The following CHL1 variants were observed in gnomAD, a reference collection of about 807,000 sequenced individuals.
The protein encoded by CHL1 is cell adhesion molecule L1 like, also known as neural cell adhesion molecule L1-like protein.
In CHL1, 96 loss-of-function variants were observed where a neutral mutation model predicts 141.9. The observed-to-expected ratio is 0.68, with a 90% CI of 0.57 to 0.80. The LOEUF is 0.80. Among genes scored for constraint, CHL1 ranks in the 30% least tolerant of loss-of-function variants. CHL1 has a pLI of 0.00. For synonymous variants in CHL1, 613 were observed against 502.2 expected, an observed-to-expected ratio of 1.22 and a Z score of -2.95; for missense variants, 1,820 against 1,457.2, an observed-to-expected ratio of 1.25 and a Z score of -4.05.
chr3:321,838 G>C (rs980958999), intron 3 of CHL1, among the ~76,000 whole-genome samples: 3 of 152,058 alleles, frequency 2.0e-5, no homozygotes, highest in Admixed American at 6.6e-5. Flanking sequence ...TATCCAATTT[G>C]AATGTCAAGG....
Position 344,631 on chromosome 3 carries a change from C to A in CHL1, c.770C>A (p.Pro257His), listed in dbSNP as rs921107298. The A allele has an allele frequency of 1.2e-6, 2 of 1,612,170 alleles. No homozygotes were observed. The highest frequency in any genetic ancestry group is 2.7e-5 in the African/African-American group (2 of 74,800). The change falls in exon 9 of 28, where the codon CCC becomes CAC. Residue 257 changes from proline (P) to histidine (H), a missense_variant. Pro to His is a moderately conservative substitution (Grantham distance 77, BLOSUM62 -2). Coordinates refer to ENST00000256509, the MANE Select transcript of CHL1 (RefSeq NM_006614.4). Reference sequence around the variant, plus strand: ...AGAAAACCCAAACTGCTGTTGCCTCCCACTGAGAGTGGCAGTGAGTCTTCA... The same window carrying A: ...AGAAAACCCAAACTGCTGTTGCCTCACACTGAGAGTGGCAGTGAGTCTTCA... ...KQRKPKLLLP[P>H]TESGSESSIT...
intron 1 of CHL1, among the ~76,000 whole-genome samples, chr3:217,986 A>G (rs1173822684): frequency 6.6e-6 from 1 of 152,112 alleles, no homozygotes; most frequent in African/African-American, 2.4e-5. Flanking sequence ...AGGCTGTTTT[A>G]TTATTTTATT....
intron 4 of CHL1, 127 bp from the exon 5 acceptor site, chr3:328,040 A>G: frequency 3.5e-6 from 2 of 571,880 alleles, no homozygotes; most frequent in Non-Finnish European, 5.8e-6. Flanking sequence ...ATCCTGTTAT[A>G]TTCCATTAAG....
At position 261,594 on chromosome 3, in the gene CHL1, G is replaced by A. The variant is rs544230505; in HGVS notation, c.-95+16902G>A. 4.6e-5 allele frequency among the ~76,000 whole-genome samples: 7 copies of A among 152,102 alleles called. No individual in the cohort carries two copies. The South Asian group carries it at 1.2e-3, about 27-fold the overall frequency. On this transcript the variant is annotated intron_variant, in intron 2 of 27. Transcript: ENST00000256509. ...TTACTTGTAAAATATATGAATTAGA[G>A]CTGAATGATATTATTGAAACATTCC...
At position 369,505 on chromosome 3, in the gene CHL1, A is replaced by G. The variant is rs145188575; in HGVS notation, c.1751+3390A>G. ...CAGTTCAAGGAGTTTTGGGGCTTAGACAACGGGGTTTTCTAAATATAAAAT... is the reference window on the plus strand; with the variant it reads ...CAGTTCAAGGAGTTTTGGGGCTTAGGCAACGGGGTTTTCTAAATATAAAAT... On this transcript the variant is annotated intron_variant, in intron 15 of 27. Transcript: ENST00000256509. Among the ~76,000 whole-genome samples, 6 of 152,336 alleles carry G rather than the reference A, an allele frequency of 3.9e-5. No individual in the cohort carries two copies. In the East Asian group the frequency reaches 1.2e-3, roughly 29 times the overall value.
intron 1 of CHL1, among the ~76,000 whole-genome samples, chr3:221,611 C>G (rs187647863): frequency 6.6e-6 from 1 of 152,210 alleles, no homozygotes; most frequent in African/African-American, 2.4e-5. Flanking sequence ...AGAGGGAATT[C>G]GCATGAGCAA....
At chr3:259,083 G>T (rs1184470426) in intron 2 of CHL1, among the ~76,000 whole-genome samples, 1 of 151,796 alleles carries the variant, frequency 6.6e-6, no homozygotes, top group East Asian at 1.9e-4. Context: ...ACAGGCACAT[G>T]CCACCATGCA....
chr3:235,403 G>A (rs1301243175), intron 1 of CHL1, among the ~76,000 whole-genome samples: 8 of 151,964 alleles, frequency 5.3e-5, no homozygotes, highest in Admixed American at 6.6e-5. Flanking sequence ...CTACCTCATG[G>A]GTTGTAAGGA....
intron 3 of CHL1, among the ~76,000 whole-genome samples, chr3:320,518 G>A (rs1440522265): frequency 6.6e-6 from 1 of 151,772 alleles, no homozygotes; most frequent in East Asian, 1.9e-4. Flanking sequence ...GTAATTAATA[G>A]TTAAAAAAAT....
intron 2 of CHL1, among the ~76,000 whole-genome samples, chr3:278,678 C>T (rs1346508984): frequency 1.3e-5 from 2 of 152,108 alleles, no homozygotes; most frequent in African/African-American, 4.8e-5. Flanking sequence ...TTTACTGTTC[C>T]TTTCAAGAAG....
chr3:367,589 C>T (rs991457288), intron 15 of CHL1, among the ~76,000 whole-genome samples: 1 of 152,132 alleles, frequency 6.6e-6, no homozygotes, highest in Admixed American at 6.5e-5. Flanking sequence ...CTGCACAGTC[C>T]ATTTTTGCTT....
chr3:242,406 C>A (rs536489952), intron 1 of CHL1, among the ~76,000 whole-genome samples: 3 of 140,364 alleles, frequency 2.1e-5, no homozygotes, highest in African/African-American at 5.3e-5. Flanking sequence ...ACCATCCTGG[C>A]TAACACGGTG....
rs1020778529 is a variant in CHL1, at chr3:230,633, C to G, written c.-174-13980C>G. 3.3e-5 allele frequency among the ~76,000 whole-genome samples: 5 copies of G among 151,936 alleles called. No individual in the cohort carries two copies. In the East Asian group the frequency reaches 9.6e-4, roughly 29 times the overall value. The stretch of plus-strand genomic sequence containing the variant: ...TATGACACTAAGGAAGTAATTTAGT[C>G]TGTAAATTAATTTTATTTTTCATCA... On this transcript the variant is annotated intron_variant, in intron 1 of 27. Coordinates refer to ENST00000256509, the MANE Select transcript of CHL1 (RefSeq NM_006614.4).
rs142309621 is a variant in CHL1, at chr3:405,194, A to C, written c.3459-301A>C. On this transcript the variant is annotated intron_variant, in intron 27 of 27. Coordinates refer to ENST00000256509, the MANE Select transcript of CHL1 (RefSeq NM_006614.4). ...CATAGCAGCCACTGTGGACATCAACAGGTTGAATCCCACATGTCCTACAGA... is the reference window on the plus strand; with the variant it reads ...CATAGCAGCCACTGTGGACATCAACCGGTTGAATCCCACATGTCCTACAGA... Among the ~76,000 whole-genome samples the C allele has an allele frequency of 3.3e-4, 50 of 152,298 alleles. No individual in the cohort carries two copies. In the East Asian group the frequency reaches 9.3e-3, roughly 28 times the overall value.
chr3:362,885 G>A (rs1231741403), intron 13 of CHL1, among the ~76,000 whole-genome samples: 1 of 152,112 alleles, frequency 6.6e-6, no homozygotes, highest in Non-Finnish European at 1.5e-5. Context: ...TTAGTACCCT[G>A]GAGCAATCAT....
chr3:239,595 A>ATAT (rs5845955), intron 1 of CHL1, among the ~76,000 whole-genome samples: 14,597 of 146,076 alleles, frequency 0.1, 821 homozygotes, highest in African/African-American at 0.12. Context: ...GTATATATAT[A>ATAT]AAATATATAT....
intron 2 of CHL1, among the ~76,000 whole-genome samples, chr3:301,599 C>T (rs1450425479): frequency 6.6e-6 from 1 of 152,062 alleles, no homozygotes; most frequent in Non-Finnish European, 1.5e-5. Flanking sequence ...TCAGCATTGT[C>T]TAGTTAACAG....
At chr3:250,638 G>C (rs1256419438) in intron 2 of CHL1, among the ~76,000 whole-genome samples, 1 of 152,092 alleles carries the variant, frequency 6.6e-6, no homozygotes, top group African/African-American at 2.4e-5. Context: ...AGCTCTTTCT[G>C]TGTTTGCTGC....
intron 2 of CHL1, chr3:309,304 TGTC>T (rs1178385779): frequency 6.6e-6 from 1 of 152,516 alleles, no homozygotes; most frequent in Non-Finnish European, 1.5e-5. Context: ...TTGTGCCAGT[TGTC>T]GTGAGAGATG....
Sources: gnomAD v4.1 joint callset for allele counts (sites outside exome capture counted in the v4.1 genomes callset) on GRCh38, gnomAD v4.1.1 for gene constraint, MANE v1.5 for transcripts, NCBI Gene and HGNC (gene_info 2026-07-23, HGNC 2026-07-21) for gene names.